Variants in JAKMIP2 observed in about 807,000 individuals in gnomAD.
JAKMIP2 encodes the protein janus kinase and microtubule-interacting protein 2.
Under a neutral mutation model 115.0 loss-of-function variants are expected in JAKMIP2, and 25 were observed. That is an observed-to-expected ratio of 0.22 (90% CI 0.16 to 0.30). The LOEUF (loss-of-function observed/expected upper bound fraction) is 0.30, where lower values mean the gene tolerates loss of function less well. Ranked by LOEUF, JAKMIP2 falls within the 10% of genes least tolerant of loss-of-function variation. The pLI is 1.00. For missense variants in JAKMIP2, 642 were observed against 957.6 expected, an observed-to-expected ratio of 0.67 and a Z score of 4.35; for synonymous variants, 334 against 343.6, an observed-to-expected ratio of 0.97 and a Z score of 0.31.
At chr5:147,591,888 C>T (rs1156922384) in intron 21 of JAKMIP2, among the ~76,000 whole-genome samples, 2 of 152,088 alleles carry the variant, frequency 1.3e-5, no homozygotes, top group East Asian at 3.9e-4. Context: ...AAGGTTGTTG[C>T]AACACAATGC....
chr5:147,682,136 AAAG>A (rs1322190007), intron 1 of JAKMIP2, among the ~76,000 whole-genome samples: 1 of 152,176 alleles, frequency 6.6e-6, no homozygotes, highest in Non-Finnish European at 1.5e-5. Context: ...TTATGGTGGG[AAAG>A]AAGAATATTC....
At chr5:147,625,654 T>C (rs1757062678) in intron 16 of JAKMIP2, among the ~76,000 whole-genome samples, 1 of 152,192 alleles carries the variant, frequency 6.6e-6, no homozygotes, top group African/African-American at 2.4e-5. Flanking sequence ...GAGCATTAGA[T>C]ATAGATTTGT....
At chr5:147,598,452 C>CTATCTA (rs1755517605) in intron 21 of JAKMIP2, among the ~76,000 whole-genome samples, 1 of 151,990 alleles carries the variant, frequency 6.6e-6, no homozygotes, top group Non-Finnish European at 1.5e-5. Context: ...ATCTATCTAT[C>CTATCTA]TATCTATCAT....
chr5:147,629,730 T>C lies in JAKMIP2; in HGVS notation c.1892A>G (p.Asp631Gly). ...KEGVKDVNIP[D>G]LIKQLDILGD... is the part of the protein sequence containing the mutation. Reference sequence around the variant, plus strand: ...CAAGATATCAAGCTGCTTTATGAGATCAGGGATGTTCACATCCTGCAAAAT... The same window carrying C: ...CAAGATATCAAGCTGCTTTATGAGACCAGGGATGTTCACATCCTGCAAAAT... Residue 631 changes from aspartate to glycine, a missense_variant, in exon 15 of 22, where the codon GAT becomes GGT. Asp to Gly is a moderately conservative substitution (Grantham distance 94). This residue lies in a region of JAKMIP2 where 103 missense variants were observed against 177.6 expected (regional missense o/e 0.58). Transcript: ENST00000616793. The C allele has an allele frequency of 6.2e-7, 1 of 1,612,476 alleles. No individual in the cohort carries two copies. The highest frequency in any genetic ancestry group is 8.5e-7 in the Non-Finnish European group (1 of 1,179,188).
At chr5:147,628,011 T>C (rs1757183129) in intron 16 of JAKMIP2, among the ~76,000 whole-genome samples, 1 of 129,428 alleles carries the variant, frequency 7.7e-6, no homozygotes, top group African/African-American at 3.6e-5. Flanking sequence ...TACTGGTACT[T>C]TTTTTTTTTT....
intron 21 of JAKMIP2, among the ~76,000 whole-genome samples, chr5:147,595,937 G>C (rs529899623): frequency 6.6e-6 from 1 of 152,160 alleles, no homozygotes; most frequent in African/African-American, 2.4e-5. Context: ...TGTAAAATTT[G>C]TTCAGAAAGG....
At chr5:147,721,940 G>T (rs1753326994) in intron 1 of JAKMIP2, among the ~76,000 whole-genome samples, 1 of 152,196 alleles carries the variant, frequency 6.6e-6, no homozygotes, top group Non-Finnish European at 1.5e-5. Flanking sequence ...CCTTCCTGGC[G>T]ATTTCCCATG....
At chr5:147,714,819 C>T (rs1337996203) in intron 1 of JAKMIP2, among the ~76,000 whole-genome samples, 3 of 152,052 alleles carry the variant, frequency 2.0e-5, no homozygotes, top group Non-Finnish European at 4.4e-5. Context: ...AATTCCATAC[C>T]CACTGAAAAT....
chr5:147,658,971 G>C (rs1330459618), intron 3 of JAKMIP2, among the ~76,000 whole-genome samples: 2 of 152,096 alleles, frequency 1.3e-5, no homozygotes, highest in Non-Finnish European at 2.9e-5. Context: ...GGGTTCCATG[G>C]GAGCATGGGA....
At chr5:147,775,601 TTATGA>T (rs1167658925) in intron 1 of JAKMIP2, among the ~76,000 whole-genome samples, 2 of 152,214 alleles carry the variant, frequency 1.3e-5, no homozygotes, top group Admixed American at 6.5e-5. Flanking sequence ...TTGTTAAGTG[TTATGA>T]TATATTACCT....
chr5:147,618,942 T>C (rs1254223467), intron 18 of JAKMIP2, among the ~76,000 whole-genome samples: 1 of 152,198 alleles, frequency 6.6e-6, no homozygotes, highest in East Asian at 1.9e-4. Context: ...TGAAATAAAA[T>C]TGAGAAATAA....
At chr5:147,620,223 T>G (rs555076028) in intron 18 of JAKMIP2, among the ~76,000 whole-genome samples, 12 of 152,276 alleles carry the variant, frequency 7.9e-5, no homozygotes, top group African/African-American at 2.9e-4. Flanking sequence ...GCCTCCTTAG[T>G]GGCTAGTACT....
intron 1 of JAKMIP2, among the ~76,000 whole-genome samples, chr5:147,702,579 G>GGAAA (rs796114959): frequency 9.4e-4 from 76 of 80,590 alleles, no homozygotes; most frequent in African/African-American, 2.5e-3. Context: ...AAAGAAAGAA[G>GGAAA]GAAAGAAAGA....
intron 7 of JAKMIP2, among the ~76,000 whole-genome samples, chr5:147,643,664 T>C (rs1284991372): frequency 6.6e-6 from 1 of 152,192 alleles, no homozygotes; most frequent in African/African-American, 2.4e-5. Context: ...AGACACTGAA[T>C]TGAGACCTGG....
At chr5:147,652,284 A>C (rs1247256089) in intron 3 of JAKMIP2, among the ~76,000 whole-genome samples, 1 of 152,212 alleles carries the variant, frequency 6.6e-6, no homozygotes, top group Non-Finnish European at 1.5e-5. Context: ...TATAGAGCCC[A>C]TTCTGTTAGG....
At chr5:147,723,302 C>T (rs1753390116) in intron 1 of JAKMIP2, among the ~76,000 whole-genome samples, 3 of 152,070 alleles carry the variant, frequency 2.0e-5, no homozygotes, top group Admixed American at 1.3e-4. Flanking sequence ...AAATGGAATA[C>T]TTTTCAAACT....
At chr5:147,672,197 T>G (rs890112139) in intron 1 of JAKMIP2, among the ~76,000 whole-genome samples, 3 of 152,188 alleles carry the variant, frequency 2.0e-5, no homozygotes, top group Non-Finnish European at 2.9e-5. Context: ...CTTCACTCTT[T>G]CATGTCTTGG....
At chr5:147,758,475 G>C (rs1263974084) in intron 1 of JAKMIP2, among the ~76,000 whole-genome samples, 1 of 152,128 alleles carries the variant, frequency 6.6e-6, no homozygotes, top group Non-Finnish European at 1.5e-5. Flanking sequence ...TGTTTAATGA[G>C]TTAACTATGA....
At chr5:147,662,179 C>CACACACACACAT (rs1257560282) in intron 2 of JAKMIP2, among the ~76,000 whole-genome samples, 1 of 151,690 alleles carries the variant, frequency 6.6e-6, no homozygotes, top group African/African-American at 2.4e-5. Flanking sequence ...CACACACACA[C>CACACACACACAT]ACACACAAAC....
Sources: allele counts gnomAD v4.1 joint callset (sites outside exome capture counted in the v4.1 genomes callset), GRCh38; gene constraint gnomAD v4.1.1; regional missense constraint gnomAD v4.1.1; transcripts MANE v1.5; gene names NCBI Gene and HGNC (gene_info 2026-07-23, HGNC 2026-07-21).